Variants in MAP3K13 observed in about 807,000 individuals in gnomAD.
MAP3K13 encodes the protein mitogen-activated protein kinase kinase kinase 13, also known as leucine zipper-bearing kinase.
A neutral mutation model predicts 104.0 loss-of-function variants in MAP3K13; 52 were observed. The ratio of observed to expected loss-of-function variants is 0.50; its 90% confidence interval spans 0.40 to 0.63. The LOEUF is 0.63. Ranked by LOEUF, MAP3K13 falls within the 20% of genes least tolerant of loss-of-function variation. The pLI, the probability that MAP3K13 is intolerant of heterozygous loss-of-function variation, is 0.00. For synonymous variants in MAP3K13, 394 were observed against 442.2 expected (o/e 0.89, Z 1.37); for missense variants, 914 against 1,218.5 (o/e 0.75, Z 3.72).
chr3:185,318,182 A>C (rs1721741801), intron 2 of MAP3K13, among the ~76,000 whole-genome samples: 1 of 152,150 alleles, frequency 6.6e-6, no homozygotes, highest in Non-Finnish European at 1.5e-5. Flanking sequence ...CAAAATATCC[A>C]ATGCTTTAAA....
At chr3:185,455,886 A>T (rs1286997331) in intron 7 of MAP3K13, among the ~76,000 whole-genome samples, 1 of 112,980 alleles carries the variant, frequency 8.9e-6, no homozygotes, top group Non-Finnish European at 1.9e-5. Context: ...GAGATATATG[A>T]TATAGATGAG....
At chr3:185,326,755 T>G (rs957555649) in intron 2 of MAP3K13, among the ~76,000 whole-genome samples, 1 of 152,140 alleles carries the variant, frequency 6.6e-6, no homozygotes, top group African/African-American at 2.4e-5. Flanking sequence ...CTTGGTTTAA[T>G]GTAGCTCATG....
At chr3:185,427,279 G>A (rs1287018845) in intron 1 of MAP3K13, among the ~76,000 whole-genome samples, 2 of 151,788 alleles carry the variant, frequency 1.3e-5, no homozygotes, top group Admixed American at 1.3e-4. Context: ...CAGGAGAATT[G>A]CTTGAACCTG....
intron 2 of MAP3K13, among the ~76,000 whole-genome samples, chr3:185,301,850 T>G (rs1036302490): frequency 6.6e-6 from 1 of 152,226 alleles, no homozygotes; most frequent in East Asian, 1.9e-4. Flanking sequence ...GCCAGTACTA[T>G]TCTGTTTTGA....
intron 2 of MAP3K13, among the ~76,000 whole-genome samples, chr3:185,333,851 C>G (rs1361319695): frequency 6.6e-6 from 1 of 152,148 alleles, no homozygotes; most frequent in Non-Finnish European, 1.5e-5. Flanking sequence ...CTCAGGAGTT[C>G]AAGACCATCC....
intron 2 of MAP3K13, among the ~76,000 whole-genome samples, chr3:185,296,098 G>T (rs556042268): frequency 8.5e-5 from 13 of 152,254 alleles, no homozygotes; most frequent in African/African-American, 2.9e-4. Context: ...TTAAAAATGA[G>T]CCGGGCATTG....
chr3:185,336,769 G>T (rs896576539), intron 2 of MAP3K13, among the ~76,000 whole-genome samples: 1 of 150,890 alleles, frequency 6.6e-6, no homozygotes, highest in African/African-American at 2.4e-5. Context: ...CCTTTTGATA[G>T]CAAAATATAC....
intron 2 of MAP3K13, among the ~76,000 whole-genome samples, chr3:185,311,978 A>G (rs928275228): frequency 6.6e-6 from 1 of 152,262 alleles, no homozygotes; most frequent in Non-Finnish European, 1.5e-5. Context: ...ATCATGTTGA[A>G]TATAAGTTGT....
At chr3:185,395,353 A>ATGTCTT (rs1560083056) in intron 1 of MAP3K13, among the ~76,000 whole-genome samples, 73 of 18,500 alleles carry the variant, frequency 3.9e-3, no homozygotes, top group African/African-American at 0.012. Flanking sequence ...ATTCAATATT[A>ATGTCTT]TTTCTTTTTT....
chr3:185,327,469 T>C (rs926954982), intron 2 of MAP3K13, among the ~76,000 whole-genome samples: 2 of 151,652 alleles, frequency 1.3e-5, no homozygotes, highest in Non-Finnish European at 2.9e-5. Context: ...CCCAGGATAG[T>C]GAAGGGGTCA....
chr3:185,434,162 TAAAAGA>T (rs1432175222), intron 2 of MAP3K13, among the ~76,000 whole-genome samples: 11 of 151,930 alleles, frequency 7.2e-5, no homozygotes, highest in Non-Finnish European at 1.3e-4. Context: ...ATAATAAAAT[TAAAAGA>T]AAAAGGCTTA....
At chr3:185,390,164 T>A (rs1221811032) in intron 1 of MAP3K13, among the ~76,000 whole-genome samples, 2 of 152,194 alleles carry the variant, frequency 1.3e-5, no homozygotes, top group South Asian at 4.1e-4. Context: ...TCCCAGAGCA[T>A]ACTATAAGCA....
intron 2 of MAP3K13, among the ~76,000 whole-genome samples, chr3:185,317,306 A>G (rs1477387682): frequency 1.3e-5 from 2 of 152,150 alleles, no homozygotes; most frequent in African/African-American, 4.8e-5. Flanking sequence ...AGGTCGGGGA[A>G]ATATTTTGTT....
intron 2 of MAP3K13, among the ~76,000 whole-genome samples, chr3:185,293,274 C>T (rs751816910): frequency 1.3e-5 from 2 of 151,996 alleles, no homozygotes; most frequent in African/African-American, 2.4e-5. Context: ...CTCGCCACTG[C>T]GCCTGGCTAA....
intron 1 of MAP3K13, among the ~76,000 whole-genome samples, chr3:185,383,011 C>A (rs56967780): frequency 5.7e-5 from 8 of 139,712 alleles, no homozygotes; most frequent in East Asian, 2.3e-4. Context: ...TCCCTCCCCC[C>A]TCCCCCCAAC....
At chr3:185,400,362 A>G (rs898462955) in intron 1 of MAP3K13, among the ~76,000 whole-genome samples, 2 of 152,206 alleles carry the variant, frequency 1.3e-5, no homozygotes, top group Non-Finnish European at 2.9e-5. Flanking sequence ...CATCTCCCTT[A>G]GAAAGCTTCT....
chr3:185,283,052 G>A (rs950909547), intron 1 of MAP3K13: 2 of 152,702 alleles, frequency 1.3e-5, no homozygotes, highest in South Asian at 2.1e-4. Context: ...GATCTGAACG[G>A]GGGGCGAGGG....
rs1713910157 is a variant in MAP3K13, at chr3:185,418,265, T to G, written c.-85-10232T>G. 1 of 1,595,552 alleles carries G rather than the reference T, an allele frequency of 6.3e-7. No homozygotes were observed. Among genetic ancestry groups the G allele is most frequent in the East Asian group, 2.2e-5 (1 of 44,798 alleles). On this transcript the variant is annotated intron_variant, in intron 1 of 13. Coordinates refer to ENST00000265026, the MANE Select transcript of MAP3K13 (RefSeq NM_004721.5). This position sits in a 1 kb window ranked among gnomAD's most constrained non-coding sequence, Gnocchi z 4.5. Reference sequence around the variant, plus strand: ...ATATCATTCCAGGCTTTAAGTTTCTTAAGGAGCAAAACAGCTTCCTTGGTC... The same window carrying G: ...ATATCATTCCAGGCTTTAAGTTTCTGAAGGAGCAAAACAGCTTCCTTGGTC...
chr3:185,365,951 C>CCCTT (rs541488644), intron 1 of MAP3K13, among the ~76,000 whole-genome samples: 55,862 of 69,390 alleles, frequency 0.81, 23,982 homozygotes, highest in Non-Finnish European at 0.89. Context: ...CTCCCTCCCT[C>CCCTT]CCTTCCTTCC....
Sources: allele counts gnomAD v4.1 joint callset (sites outside exome capture counted in the v4.1 genomes callset), GRCh38; gene constraint gnomAD v4.1.1; non-coding constraint Gnocchi (gnomAD v3.1); transcripts MANE v1.5; gene names NCBI Gene and HGNC (gene_info 2026-07-23, HGNC 2026-07-21).